FLI1: variants seen among roughly 807,000 people sequenced by gnomAD.
FLI1 encodes the protein Fli-1 proto-oncogene, ETS transcription factor.
In FLI1, 13 loss-of-function variants were observed where a neutral mutation model predicts 53.1. The observed-to-expected ratio is 0.24, with a 90% CI of 0.16 to 0.39. FLI1 has a LOEUF of 0.39. Among genes scored for constraint, FLI1 ranks in the 10% least tolerant of loss-of-function variants. The pLI is 1.00. For synonymous variants in FLI1, 244 were observed against 236.7 expected, an observed-to-expected ratio of 1.03 and a Z score of -0.28; for missense variants, 424 against 600.5, an observed-to-expected ratio of 0.71 and a Z score of 3.07.
intron 3 of FLI1, chr11:128,768,539 A>C: frequency 4.7e-5 from 20 of 425,786 alleles, no homozygotes; most frequent in East Asian, 8.9e-5. Context: ...AAATACAAAA[A>C]TTAGCCAGGT....
intron 5 of FLI1, among the ~76,000 whole-genome samples, chr11:128,800,176 T>C (rs955888810): frequency 1.3e-5 from 2 of 152,176 alleles, no homozygotes; most frequent in Non-Finnish European, 2.9e-5. Context: ...CCTGCTCTGC[T>C]GGGAGCATGA....
intron 5 of FLI1, among the ~76,000 whole-genome samples, chr11:128,799,690 G>T (rs1016466243): frequency 6.6e-6 from 1 of 152,176 alleles, no homozygotes; most frequent in Non-Finnish European, 1.5e-5. Flanking sequence ...TTGCCTCAGG[G>T]TGGGGCTGAG....
In FLI1 at chr11:128,805,429, A is replaced by G. The variant is rs1415308855; in HGVS notation, c.719A>G (p.Lys240Arg). The change falls in exon 6 of 9, where the codon AAA becomes AGA. Residue 240 changes from lysine to arginine, a missense_variant and splice_region_variant. Coordinates refer to ENST00000527786, the MANE Select transcript of FLI1 (RefSeq NM_002017.5). ...AATAACATGAATTCTGGCCTCAACAAAAGTAAGTAAATGTTTTATAGTTCT... is the reference window on the plus strand; with the variant it reads ...AATAACATGAATTCTGGCCTCAACAGAAGTAAGTAAATGTTTTATAGTTCT... The part of the protein sequence containing the change: ...WGNNMNSGLN[K>R]SPPLGGAQTI... 3 of 1,558,474 alleles carry G rather than the reference A, an allele frequency of 1.9e-6. No homozygotes were observed. The highest frequency in any genetic ancestry group is 2.6e-6 in the Non-Finnish European group (3 of 1,142,998).
intron 1 of FLI1, among the ~76,000 whole-genome samples, chr11:128,723,933 ATTTTT>A (rs376612983): frequency 3.7e-5 from 3 of 80,976 alleles, no homozygotes; most frequent in Admixed American, 1.4e-4. Flanking sequence ...AATGGAGTTG[ATTTTT>A]TTTTTTTTTT....
chr11:128,808,123 T>G (rs1018306065), intron 7 of FLI1, among the ~76,000 whole-genome samples: 1 of 152,186 alleles, frequency 6.6e-6, no homozygotes, highest in Middle Eastern at 3.2e-3. Context: ...GTAGAGAGTT[T>G]TAAAGACTGT....
intron 1 of FLI1, among the ~76,000 whole-genome samples, chr11:128,701,422 T>G (rs1938329348): frequency 6.6e-6 from 1 of 152,160 alleles, no homozygotes; most frequent in Admixed American, 6.5e-5. Context: ...GCCGCTGGTC[T>G]CAGTTAGGAA....
At chr11:128,783,808 G>T (rs115087540) in intron 5 of FLI1, among the ~76,000 whole-genome samples, 9 of 152,262 alleles carry the variant, frequency 5.9e-5, no homozygotes, top group African/African-American at 1.9e-4. Flanking sequence ...CATTGCGAGG[G>T]CTCAAGAGCC....
chr11:128,741,728 C>T (rs979933506), intron 1 of FLI1, among the ~76,000 whole-genome samples: 3 of 152,154 alleles, frequency 2.0e-5, no homozygotes, highest in African/African-American at 7.2e-5. Context: ...TTTGCCCCTC[C>T]CCCCGATTCC....
At chr11:128,779,108 TTCTC>T (rs1941832904) in intron 4 of FLI1, among the ~76,000 whole-genome samples, 1 of 152,260 alleles carries the variant, frequency 6.6e-6, no homozygotes. Context: ...AAATGACCCT[TTCTC>T]TCAGCTTTCT....
intron 1 of FLI1, among the ~76,000 whole-genome samples, chr11:128,756,646 A>G (rs886304463): frequency 6.6e-6 from 1 of 152,228 alleles, no homozygotes; most frequent in Non-Finnish European, 1.5e-5. Flanking sequence ...CTTTGCATGT[A>G]TTATCACAAC....
upstream of FLI1, chr11:128,692,506 C>T (rs577534836): frequency 1.1e-4 from 17 of 149,652 alleles, no homozygotes; most frequent in African/African-American, 4.2e-4. Context: ...CACTCCAGGT[C>T]TGGTCACGTT....
At chr11:128,759,946 C>G (rs184542608) in intron 2 of FLI1, among the ~76,000 whole-genome samples, 1 of 152,282 alleles carries the variant, frequency 6.6e-6, no homozygotes, top group East Asian at 1.9e-4. Flanking sequence ...TCCAGAGCAG[C>G]TCATGGCCTC....
chr11:128,720,203 T>G (rs1939196720), intron 1 of FLI1, among the ~76,000 whole-genome samples: 1 of 152,206 alleles, frequency 6.6e-6, no homozygotes, highest in Non-Finnish European at 1.5e-5. Flanking sequence ...TTATATTAAA[T>G]TACGGCCATG....
intron 2 of FLI1, among the ~76,000 whole-genome samples, chr11:128,763,568 C>T (rs1047436270): frequency 1.1e-4 from 16 of 152,234 alleles, no homozygotes; most frequent in African/African-American, 3.9e-4. Context: ...AGCTAACCTT[C>T]CTTGAAATTC....
chr11:128,798,702 C>T (rs190168266), intron 5 of FLI1, among the ~76,000 whole-genome samples: 37 of 152,256 alleles, frequency 2.4e-4, no homozygotes, highest in Admixed American at 2.4e-3. Context: ...TTCCTCCTTC[C>T]AAGGTCTCAG....
At chr11:128,750,420 C>T (rs1384937354) in intron 1 of FLI1, among the ~76,000 whole-genome samples, 1 of 152,226 alleles carries the variant, frequency 6.6e-6, no homozygotes, top group Admixed American at 6.5e-5. Flanking sequence ...TAAGGAAGAA[C>T]AGAGGGAAAG....
intron 2 of FLI1, chr11:128,764,520 G>A: frequency 1.2e-6 from 1 of 820,320 alleles, no homozygotes; most frequent in Non-Finnish European, 1.9e-6. Context: ...TCAGCTGCCA[G>A]TGGGCCCCAG....
At chr11:128,804,588 C>G (rs1942726394) in intron 5 of FLI1, 1 of 152,260 alleles carries the variant, frequency 6.6e-6, no homozygotes, top group African/African-American at 2.4e-5. Flanking sequence ...AGGTGGGGAG[C>G]AGGTCTCCAA....
intron 3 of FLI1, chr11:128,768,553 G>A: frequency 4.9e-6 from 2 of 410,684 alleles, no homozygotes; most frequent in South Asian, 4.9e-5. Context: ...GCCAGGTGTG[G>A]TAGTGGACGC....
Sources: allele counts gnomAD v4.1 joint callset (sites outside exome capture counted in the v4.1 genomes callset), GRCh38; gene constraint gnomAD v4.1.1; transcripts MANE v1.5; gene names NCBI Gene and HGNC (gene_info 2026-07-23, HGNC 2026-07-21).